The following N4BP2L2 variants were observed in gnomAD, a reference collection of about 807,000 sequenced individuals.
N4BP2L2 encodes NEDD4 binding protein 2 like 2.
N4BP2L2 carries 50 observed loss-of-function variants against 56.2 expected under a neutral mutation model. The observed-to-expected ratio is 0.89, with a 90% CI of 0.71 to 1.13. The LOEUF is 1.13. Among genes scored for constraint, N4BP2L2 ranks in the 50% most tolerant of loss-of-function variants. The probability of loss-of-function intolerance (pLI) is 0.00; values close to 1 mark genes in which losing one functional copy is unlikely to be tolerated. For synonymous variants in N4BP2L2, 203 were observed against 223.6 expected, an observed-to-expected ratio of 0.91 and a Z score of 0.82; for missense variants, 689 against 693.8, an observed-to-expected ratio of 0.99 and a Z score of 0.08.
At chr13:32,448,701 A>G (rs1156989297) in intron 6 of N4BP2L2, among the ~76,000 whole-genome samples, 4 of 152,222 alleles carry the variant, frequency 2.6e-5, no homozygotes, top group Non-Finnish European at 5.9e-5. Context: ...ATGGTAAGTG[A>G]TAACCCTCAT....
At chr13:32,515,771 C>G (rs2049068526) in exon 6 of N4BP2L2, 1 of 151,968 alleles carries the variant, frequency 6.6e-6, no homozygotes. Context: ...GAGTCTCACT[C>G]TGTCTCACAG....
intron 6 of N4BP2L2, among the ~76,000 whole-genome samples, chr13:32,462,262 T>C (rs2138718330): frequency 6.6e-6 from 1 of 152,154 alleles, no homozygotes; most frequent in Non-Finnish European, 1.5e-5. Context: ...TACTTGGACA[T>C]AGAAAAAATA....
exon 3 of N4BP2L2, chr13:32,527,485 T>C (rs2053374843): frequency 1.2e-6 from 2 of 1,613,798 alleles, no homozygotes; most frequent in Non-Finnish European, 1.7e-6. Context: ...GTGAAAATAG[T>C]CATCAGTGCT....
At chr13:32,443,739 C>T (rs773197154) in exon 7 of N4BP2L2, 25 of 1,571,018 alleles carry the variant, frequency 1.6e-5, no homozygotes, top group Non-Finnish European at 1.9e-5. Context: ...CATTTGGCCT[C>T]AGTAACAAAC....
At chr13:32,441,659 G>A (rs1015901331) in intron 7 of N4BP2L2, among the ~76,000 whole-genome samples, 1 of 151,086 alleles carries the variant, frequency 6.6e-6, no homozygotes, top group African/African-American at 2.4e-5. Context: ...ACTCCAGCCT[G>A]GGCGACAAGA....
chr13:32,477,034 T>C (rs968390868), intron 6 of N4BP2L2, among the ~76,000 whole-genome samples: 7 of 152,196 alleles, frequency 4.6e-5, no homozygotes, highest in Non-Finnish European at 1.0e-4. Context: ...TTGTGAGCCA[T>C]GCCTTTAGTG....
intron 6 of N4BP2L2, among the ~76,000 whole-genome samples, chr13:32,454,245 G>C (rs79760042): frequency 0.044 from 6,658 of 152,252 alleles, 239 homozygotes; most frequent in African/African-American, 0.1. Flanking sequence ...GAGCATTTTT[G>C]TTGATGATGA....
Position 32,466,359 on chromosome 13 carries a change from G to A in N4BP2L2, c.366-22233C>T, listed in dbSNP as rs149285402. On this transcript the variant is annotated intron_variant, in intron 6 of 9. Transcript: ENST00000357505. ...AGGCAGGCAGATCACTTGAGGTCAG[G>A]AATTCAAGATCAGCCTAGCTAATAT... 3.0e-3 allele frequency among the ~76,000 whole-genome samples: 462 copies of A among 152,126 alleles called. 1 individual carries two copies. Among genetic ancestry groups the A allele is most frequent in the African/African-American group, 0.011 (451 of 41,534 alleles).
intron 2 of N4BP2L2, among the ~76,000 whole-genome samples, chr13:32,534,235 A>AT (rs2055891291): frequency 6.6e-6 from 1 of 152,248 alleles, no homozygotes; most frequent in Non-Finnish European, 1.5e-5. Flanking sequence ...TTTCAAATAA[A>AT]TATACATATT....
At chr13:32,441,542 G>A (rs1176165725) in intron 7 of N4BP2L2, among the ~76,000 whole-genome samples, 1 of 151,294 alleles carries the variant, frequency 6.6e-6, no homozygotes, top group Non-Finnish European at 1.5e-5. Context: ...AAATTAGCTG[G>A]GTATGGTGGC....
At chr13:32,448,611 C>G (rs141943738) in intron 6 of N4BP2L2, among the ~76,000 whole-genome samples, 2 of 152,180 alleles carry the variant, frequency 1.3e-5, no homozygotes, top group African/African-American at 4.8e-5. Context: ...CTAATCTGAC[C>G]AAGTGAACTG....
exon 6 of N4BP2L2, chr13:32,513,134 T>C (rs972840857): frequency 1.2e-4 from 19 of 152,200 alleles, no homozygotes; most frequent in African/African-American, 4.1e-4. Flanking sequence ...GTCTAAATTA[T>C]TGAGAGTAAA....
chr13:32,536,005 A>G (rs2056458430), exon 2 of N4BP2L2: 3 of 1,613,958 alleles, frequency 1.9e-6, no homozygotes, highest in Non-Finnish European at 2.5e-6. Context: ...TCCTATTCTC[A>G]CTACAGTCAG....
chr13:32,528,548 G>C (rs1451981472), intron 2 of N4BP2L2, among the ~76,000 whole-genome samples: 2 of 152,170 alleles, frequency 1.3e-5, no homozygotes, highest in Non-Finnish European at 2.9e-5. Context: ...CATTACCAAT[G>C]ACTCATGAAA....
At chr13:32,497,248 G>C (rs1012372462) in intron 6 of N4BP2L2, among the ~76,000 whole-genome samples, 14 of 152,106 alleles carry the variant, frequency 9.2e-5, no homozygotes, top group Non-Finnish European at 1.5e-5. Context: ...TTTAATGGGG[G>C]AAAACAAACA....
chr13:32,502,929 T>A (rs1483848755), intron 6 of N4BP2L2, among the ~76,000 whole-genome samples: 1 of 152,044 alleles, frequency 6.6e-6, no homozygotes, highest in Non-Finnish European at 1.5e-5. Context: ...TCCAAACACT[T>A]TGGGAGGCCG....
At chr13:32,479,512 A>G (rs547293796) in intron 6 of N4BP2L2, among the ~76,000 whole-genome samples, 1 of 151,456 alleles carries the variant, frequency 6.6e-6, no homozygotes, top group African/African-American at 2.4e-5. Context: ...CGATCTCCTG[A>G]CCTCGTGATC....
chr13:32,492,100 T>C (rs1006921656), intron 6 of N4BP2L2, among the ~76,000 whole-genome samples: 1 of 152,090 alleles, frequency 6.6e-6, no homozygotes, highest in African/African-American at 2.4e-5. Flanking sequence ...TTCTGAAAAC[T>C]ATCAGAAAAG....
chr13:32,442,611 A>T (rs780281225), exon 7 of N4BP2L2: 9 of 1,613,902 alleles, frequency 5.6e-6, no homozygotes, highest in Non-Finnish European at 6.8e-6. Flanking sequence ...CAGGATGACT[A>T]TGTAAAATTT....
Sources: gnomAD v4.1 joint callset for allele counts (sites outside exome capture counted in the v4.1 genomes callset) on GRCh38, gnomAD v4.1.1 for gene constraint, MANE v1.5 for transcripts, NCBI Gene and HGNC (gene_info 2026-07-23, HGNC 2026-07-21) for gene names.